TRPC4: variants seen among roughly 807,000 people sequenced by gnomAD.
TRPC4 encodes short transient receptor potential channel 4.
In TRPC4, 49 loss-of-function variants were observed where a neutral mutation model predicts 99.4. The ratio of observed to expected loss-of-function variants is 0.49; its 90% confidence interval spans 0.39 to 0.63. TRPC4 has a LOEUF of 0.63. Among genes scored for constraint, TRPC4 ranks in the 20% least tolerant of loss-of-function variants. The probability of loss-of-function intolerance (pLI) is 0.00; values close to 1 mark genes in which losing one functional copy is unlikely to be tolerated. For synonymous variants in TRPC4, 454 were observed against 425.9 expected (o/e 1.07, Z -0.81); for missense variants, 898 against 1,152.9 (o/e 0.78, Z 3.20).
At chr13:37,656,336 C>T (rs1209674514) in intron 6 of TRPC4, among the ~76,000 whole-genome samples, 1 of 152,136 alleles carries the variant, frequency 6.6e-6, no homozygotes, top group Non-Finnish European at 1.5e-5. Flanking sequence ...CCTTCTCATA[C>T]ACGGCATGAT....
At chr13:37,837,468 G>A (rs1269676345) in intron 1 of TRPC4, among the ~76,000 whole-genome samples, 1 of 152,242 alleles carries the variant, frequency 6.6e-6, no homozygotes, top group Admixed American at 6.5e-5. Context: ...GCATGACCTG[G>A]ATGTGAGACT....
rs558690675 is a variant in TRPC4 at position 37,634,816 on chromosome 13, C to T, written c.*2087G>A. The stretch of plus-strand genomic sequence containing the variant: ...ATGATTTAGAAAAAAATGAGTATTT[C>T]AGTAGCCCCAGGATTTGCTCTGAGT... On this transcript the variant is annotated 3_prime_UTR_variant, in exon 11 of 11. Coordinates refer to ENST00000379705, the MANE Select transcript of TRPC4 (RefSeq NM_016179.4). Among the ~76,000 whole-genome samples the T allele has an allele frequency of 3.9e-5, 6 of 152,142 alleles. No individual in the cohort carries two copies. In the South Asian group the frequency reaches 1.2e-3, roughly 32 times the overall value.
rs1953734386 is a variant in TRPC4, at chr13:37,692,147, T to C, written c.1086A>G (p.Pro362=). Residue 362 remains proline (P), a synonymous_variant, in exon 4 of 11, where the codon CCA becomes CCG. Coordinates refer to ENST00000379705, the MANE Select transcript of TRPC4 (RefSeq NM_016179.4). ...KSPLGLFIRK[P]FIKFICHTAS... is the part of the protein sequence containing the mutation. ...CTGTGTGGCAGATAAACTTGATAAA[T>C]GGCTTCCTGATGAACAGTCCAAGTG... 4 of 1,613,980 alleles carry C rather than the reference T, an allele frequency of 2.5e-6. No homozygotes were observed. Among genetic ancestry groups the C allele is most frequent in the South Asian group, 2.2e-5 (2 of 91,086 alleles).
intron 2 of TRPC4, among the ~76,000 whole-genome samples, chr13:37,747,039 G>T (rs373599432): frequency 1.3e-5 from 2 of 152,032 alleles, no homozygotes; most frequent in South Asian, 2.1e-4. Context: ...TGCTTTTCTG[G>T]TATATTTTCC....
chr13:37,844,543 T>C (rs1405704520), intron 1 of TRPC4, among the ~76,000 whole-genome samples: 1 of 152,038 alleles, frequency 6.6e-6, no homozygotes, highest in Non-Finnish European at 1.5e-5. Flanking sequence ...GATTCACCTG[T>C]CTCAGCCTCC....
intron 3 of TRPC4, among the ~76,000 whole-genome samples, chr13:37,715,449 G>T (rs1954628920): frequency 6.6e-6 from 1 of 152,154 alleles, no homozygotes; most frequent in Admixed American, 6.6e-5. Context: ...TCTTTAAAAT[G>T]CAGATTATAA....
At chr13:37,667,958 C>T (rs1381516955) in intron 5 of TRPC4, among the ~76,000 whole-genome samples, 2 of 152,126 alleles carry the variant, frequency 1.3e-5, no homozygotes, top group African/African-American at 2.4e-5. Flanking sequence ...CAGGCACTGT[C>T]TTCGGGGTTC....
chr13:37,861,389 T>C (rs1355242168), intron 1 of TRPC4, among the ~76,000 whole-genome samples: 2 of 151,602 alleles, frequency 1.3e-5, no homozygotes, highest in Admixed American at 6.6e-5. Context: ...TTTAATTATA[T>C]ACAATATTTC....
intron 4 of TRPC4, among the ~76,000 whole-genome samples, chr13:37,682,922 CTTTTTTT>C (rs35740848): frequency 1.5e-4 from 16 of 109,316 alleles, no homozygotes; most frequent in Admixed American, 2.0e-4. Context: ...GCCCAGCTAT[CTTTTTTT>C]TTTTTTTTTT....
intron 3 of TRPC4, among the ~76,000 whole-genome samples, chr13:37,728,938 T>C (rs529379508): frequency 9.9e-5 from 15 of 152,086 alleles, no homozygotes; most frequent in African/African-American, 3.6e-4. Context: ...GAAAAGAAAG[T>C]TTTTTCAACA....
intron 5 of TRPC4, among the ~76,000 whole-genome samples, chr13:37,673,133 C>T (rs1593481359): frequency 7.8e-6 from 1 of 127,414 alleles, no homozygotes; most frequent in African/African-American, 3.0e-5. Flanking sequence ...GTGTGATGTT[C>T]CCCACCCTGT....
chr13:37,641,396 C>A (rs1248466363), intron 8 of TRPC4, among the ~76,000 whole-genome samples: 1 of 152,158 alleles, frequency 6.6e-6, no homozygotes, highest in African/African-American at 2.4e-5. Flanking sequence ...CAATTATATT[C>A]CACAATTATG....
chr13:37,735,450 G>T (rs935567137), intron 3 of TRPC4, among the ~76,000 whole-genome samples: 1 of 152,142 alleles, frequency 6.6e-6, no homozygotes, highest in African/African-American at 2.4e-5. Context: ...GAAAATATCA[G>T]TCACTAAATA....
chr13:37,848,572 T>A (rs977937250), intron 1 of TRPC4, among the ~76,000 whole-genome samples: 3 of 152,150 alleles, frequency 2.0e-5, no homozygotes, highest in African/African-American at 7.2e-5. Flanking sequence ...AAGTTTCCAC[T>A]GAGAAGACCA....
intron 2 of TRPC4, among the ~76,000 whole-genome samples, chr13:37,766,335 G>C (rs1956365660): frequency 6.6e-6 from 1 of 151,424 alleles, no homozygotes; most frequent in African/African-American, 2.4e-5. Flanking sequence ...GATGTATAGA[G>C]AATGAGGCCT....
chr13:37,832,666 T>C lies in TRPC4; in HGVS notation c.-28+36929A>G, dbSNP rs144499972. Among the ~76,000 whole-genome samples the C allele has an allele frequency of 2.6e-5, 4 of 152,278 alleles. No individual in the cohort carries two copies. In the East Asian group the frequency reaches 7.7e-4, roughly 29 times the overall value. Reference sequence around the variant, plus strand: ...TCAATTAAATCTAACGAACAGGACATATTAAAATCAATAATTACAAAAATT... The same window carrying C: ...TCAATTAAATCTAACGAACAGGACACATTAAAATCAATAATTACAAAAATT... On this transcript the variant is annotated intron_variant, in intron 1 of 10. Coordinates refer to ENST00000379705, the MANE Select transcript of TRPC4 (RefSeq NM_016179.4).
chr13:37,647,520 A>C (rs1185915259), intron 8 of TRPC4, among the ~76,000 whole-genome samples: 1 of 152,230 alleles, frequency 6.6e-6, no homozygotes, highest in African/African-American at 2.4e-5. Context: ...CAGACTTCTC[A>C]GGGAAATAAG....
intron 1 of TRPC4, among the ~76,000 whole-genome samples, chr13:37,864,293 T>C (rs955722920): frequency 6.6e-6 from 1 of 151,586 alleles, no homozygotes; most frequent in Non-Finnish European, 1.5e-5. Context: ...ACAAAAGCCC[T>C]CCTTTAAGAA....
chr13:37,730,035 A>G (rs1316020384), intron 3 of TRPC4, among the ~76,000 whole-genome samples: 1 of 152,244 alleles, frequency 6.6e-6, no homozygotes, highest in East Asian at 1.9e-4. Flanking sequence ...AACAAAGCAC[A>G]GTAGTCAGAG....
Sources: allele counts gnomAD v4.1 joint callset (sites outside exome capture counted in the v4.1 genomes callset), GRCh38; gene constraint gnomAD v4.1.1; transcripts MANE v1.5; gene names NCBI Gene and HGNC (gene_info 2026-07-23, HGNC 2026-07-21).